Variants in MYRIP observed in about 807,000 individuals in gnomAD.
The protein encoded by MYRIP is rab effector MyRIP.
MYRIP carries 49 observed loss-of-function variants against 98.0 expected under a neutral mutation model. That is an observed-to-expected ratio of 0.50 (90% CI 0.40 to 0.63). The LOEUF (loss-of-function observed/expected upper bound fraction) is 0.63. Ranked by LOEUF, MYRIP falls within the 30% of genes least tolerant of loss-of-function variation. The pLI is 0.00. For synonymous variants in MYRIP, 404 were observed against 409.5 expected, an observed-to-expected ratio of 0.99 and a Z score of 0.16; for missense variants, 1,004 against 1,058.2, an observed-to-expected ratio of 0.95 and a Z score of 0.71.
chr3:40,111,786 C>A (rs1949163503), intron 3 of MYRIP, among the ~76,000 whole-genome samples: 1 of 152,068 alleles, frequency 6.6e-6, no homozygotes, highest in Non-Finnish European at 1.5e-5. Context: ...TTATTTGGTA[C>A]ACTAAGTAAT....
At chr3:39,872,513 G>C (rs1438671788) in intron 1 of MYRIP, among the ~76,000 whole-genome samples, 1 of 111,136 alleles carries the variant, frequency 9.0e-6, no homozygotes, top group Admixed American at 1.3e-4. Flanking sequence ...ACAGTCCCCA[G>C]AGTGTGATGT....
chr3:40,103,945 T>C (rs558296141), intron 3 of MYRIP, among the ~76,000 whole-genome samples: 2 of 152,366 alleles, frequency 1.3e-5, no homozygotes, highest in South Asian at 4.1e-4. Context: ...ATCAATATGG[T>C]AGATACACTT....
At chr3:40,229,694 C>G (rs1952595694) in intron 11 of MYRIP, among the ~76,000 whole-genome samples, 2 of 152,228 alleles carry the variant, frequency 1.3e-5, no homozygotes, top group South Asian at 4.1e-4. Context: ...CTTCTGTGCC[C>G]CAAGTGGTGG....
intron 1 of MYRIP, among the ~76,000 whole-genome samples, chr3:39,817,230 C>G (rs954153605): frequency 6.6e-6 from 1 of 152,136 alleles, no homozygotes; most frequent in African/African-American, 2.4e-5. Flanking sequence ...AGCCCTAAAC[C>G]TGGTAAGGAT....
intron 2 of MYRIP, among the ~76,000 whole-genome samples, chr3:39,952,694 C>T (rs1945053350): frequency 1.3e-5 from 2 of 152,156 alleles, no homozygotes. Context: ...TCTGTTTCCT[C>T]AATGAGGTTG....
chr3:39,899,711 A>T (rs1943701259), intron 1 of MYRIP, among the ~76,000 whole-genome samples: 1 of 152,214 alleles, frequency 6.6e-6, no homozygotes, highest in Admixed American at 6.5e-5. Flanking sequence ...TCATTGTCCC[A>T]CTTCCCACCA....
chr3:40,103,645 A>C (rs1474616598), intron 3 of MYRIP, among the ~76,000 whole-genome samples: 1 of 152,028 alleles, frequency 6.6e-6, no homozygotes. Flanking sequence ...TGTAATCCCA[A>C]CTACTTGGGA....
In MYRIP at chr3:40,118,794, T is replaced by A. The variant is rs577484209; in HGVS notation, c.333-32254T>A. Among the ~76,000 whole-genome samples the A allele has an allele frequency of 2.0e-5, 3 of 151,820 alleles. No individual in the cohort carries two copies. The South Asian group carries it at 6.3e-4, about 32-fold the overall frequency. On this transcript the variant is annotated intron_variant, in intron 3 of 16. Coordinates refer to ENST00000302541, the MANE Select transcript of MYRIP (RefSeq NM_015460.4). Reference sequence around the variant, plus strand: ...CAGGCCCTGGGGTGTGATGTTCCCCTTCCTGTGTCCATGTGTTCTCATTCT... The same window carrying A: ...CAGGCCCTGGGGTGTGATGTTCCCCATCCTGTGTCCATGTGTTCTCATTCT...
chr3:39,819,038 A>G (rs1183467389), intron 1 of MYRIP, among the ~76,000 whole-genome samples: 1 of 152,214 alleles, frequency 6.6e-6, no homozygotes, highest in Non-Finnish European at 1.5e-5. Flanking sequence ...GTACATAAAT[A>G]TATCATAAAC....
intron 1 of MYRIP, among the ~76,000 whole-genome samples, chr3:39,865,534 C>A (rs1942594440): frequency 1.3e-5 from 2 of 152,072 alleles, no homozygotes; most frequent in Admixed American, 1.3e-4. Flanking sequence ...AGACACTTTT[C>A]AAAACAAGGC....
chr3:39,843,611 C>A (rs1259550780), intron 1 of MYRIP, among the ~76,000 whole-genome samples: 2 of 152,244 alleles, frequency 1.3e-5, no homozygotes, highest in East Asian at 1.9e-4. Flanking sequence ...GGCCAAATTG[C>A]TGTAAAATGA....
intron 2 of MYRIP, among the ~76,000 whole-genome samples, chr3:39,997,745 A>G (rs1204519551): frequency 6.6e-6 from 1 of 152,218 alleles, no homozygotes; most frequent in Non-Finnish European, 1.5e-5. Flanking sequence ...AGAGAATTTT[A>G]GACAAATATC....
Position 40,207,364 on chromosome 3 carries a change from TC to T in MYRIP, c.1666-2487del, listed in dbSNP as rs544636356. Among the ~76,000 whole-genome samples, 258 of 152,238 alleles carry T rather than the reference TC, an allele frequency of 1.7e-3. 1 individual carries two copies. The highest frequency in any genetic ancestry group is 5.9e-3 in the African/African-American group (246 of 41,534). On this transcript the variant is annotated intron_variant, in intron 10 of 16. Coordinates refer to ENST00000302541, the MANE Select transcript of MYRIP (RefSeq NM_015460.4). ...ATTCTTCCTGTGGACCACCTGCACA[TC>T]CCAGGCAAAGGAATTCCCCTTTCTC... is the stretch of plus-strand genomic sequence containing the variant.
At chr3:39,910,118 T>C (rs1943983260) in intron 2 of MYRIP, among the ~76,000 whole-genome samples, 1 of 152,182 alleles carries the variant, frequency 6.6e-6, no homozygotes, top group Admixed American at 6.5e-5. Flanking sequence ...CTTGAACTCC[T>C]GATCTTGTGA....
In MYRIP at chr3:40,089,012, G is replaced by A. The variant is rs530676657; in HGVS notation, c.332+44741G>A. ...TGCAGAGGGTGTGGGGGAGGGAGGA[G>A]TCAGGAGTGATTGCAGCTTGGGCAC... On this transcript the variant is annotated intron_variant, in intron 3 of 16. Coordinates refer to ENST00000302541, the MANE Select transcript of MYRIP (RefSeq NM_015460.4). 3.3e-5 allele frequency among the ~76,000 whole-genome samples: 5 copies of A among 152,128 alleles called. No individual in the cohort carries two copies. The South Asian group carries it at 1.0e-3, about 32-fold the overall frequency.
intron 2 of MYRIP, among the ~76,000 whole-genome samples, chr3:39,912,160 C>A (rs1392149775): frequency 6.6e-6 from 1 of 152,164 alleles, no homozygotes; most frequent in Non-Finnish European, 1.5e-5. Flanking sequence ...GTGTCAGCTT[C>A]TCCTCTATCG....
chr3:39,818,336 G>T (rs1940988855), intron 1 of MYRIP, among the ~76,000 whole-genome samples: 1 of 152,106 alleles, frequency 6.6e-6, no homozygotes, highest in South Asian at 2.1e-4. Flanking sequence ...CAATAACAGT[G>T]CTAGTTTCTT....
chr3:40,131,948 A>G (rs888701949), intron 3 of MYRIP, among the ~76,000 whole-genome samples: 2 of 152,074 alleles, frequency 1.3e-5, no homozygotes, highest in Admixed American at 6.6e-5. Context: ...CTGAATATCT[A>G]GACATATAAA....
At chr3:40,096,917 G>A (rs964067725) in intron 3 of MYRIP, among the ~76,000 whole-genome samples, 22 of 152,202 alleles carry the variant, frequency 1.4e-4, no homozygotes, top group Non-Finnish European at 2.4e-4. Flanking sequence ...TACTGTTTGG[G>A]TGAAGCAAAA....
Sources: allele counts gnomAD v4.1 joint callset (sites outside exome capture counted in the v4.1 genomes callset), GRCh38; gene constraint gnomAD v4.1.1; transcripts MANE v1.5; gene names NCBI Gene and HGNC (gene_info 2026-07-23, HGNC 2026-07-21).